Variants in FGF2 observed in about 807,000 individuals in gnomAD.
FGF2 encodes fibroblast growth factor 2.
Under a neutral mutation model 15.9 loss-of-function variants are expected in FGF2, and 13 were observed. That is an observed-to-expected ratio of 0.82 (90% CI 0.53 to 1.30). The LOEUF is 1.30. Among genes scored for constraint, FGF2 ranks in the 50% most tolerant of loss-of-function variants. The pLI, the probability that FGF2 is intolerant of heterozygous loss-of-function variation, is 0.00. For synonymous variants in FGF2, 90 were observed against 78.4 expected, an observed-to-expected ratio of 1.15 and a Z score of -0.78; for missense variants, 163 against 196.9, an observed-to-expected ratio of 0.83 and a Z score of 1.03.
chr4:122,870,705 T>G (rs1178041007), intron 1 of FGF2, among the ~76,000 whole-genome samples: 1 of 152,168 alleles, frequency 6.6e-6, no homozygotes, highest in Non-Finnish European at 1.5e-5. Flanking sequence ...GTCTACTTGA[T>G]TCTTCCCTCT....
intron 1 of FGF2, among the ~76,000 whole-genome samples, chr4:122,834,900 G>A (rs1725832642): frequency 6.6e-6 from 1 of 152,136 alleles, no homozygotes; most frequent in Non-Finnish European, 1.5e-5. Flanking sequence ...TGCACCAATA[G>A]TGGTGCAGAT....
At chr4:122,868,375 G>A (rs1377903872) in intron 1 of FGF2, among the ~76,000 whole-genome samples, 2 of 152,120 alleles carry the variant, frequency 1.3e-5, no homozygotes, top group East Asian at 1.9e-4. Flanking sequence ...GCGGTATTTG[G>A]TTTTCTTTTC....
Position 122,827,253 on chromosome 4 carries a change from A to G in FGF2, c.79A>G (p.Lys27Glu). ...GSGAFPPGHF[K>E]DPKRLYCKNG... ...CGGCGCCTTCCCGCCCGGCCACTTC[A>G]AGGACCCCAAGCGGCTGTACTGCAA... The change falls in exon 1 of 3, where the codon AAG (lysine) becomes GAG (glutamate). Residue 27 changes from lysine to glutamate, a missense_variant. Lys to Glu is a moderately conservative substitution (Grantham distance 56). Coordinates refer to ENST00000644866, the MANE Select transcript of FGF2 (RefSeq NM_001361665.2). This position sits in a 1 kb window ranked among gnomAD's most constrained non-coding sequence, Gnocchi z 4.2. 6.2e-7 allele frequency: 1 copy of G among 1,612,142 alleles called. No individual in the cohort carries two copies. Among genetic ancestry groups the G allele is most frequent in the Non-Finnish European group, 8.5e-7 (1 of 1,179,656 alleles).
Position 122,827,762 on chromosome 4 carries a change from C to T in FGF2, c.178+410C>T, listed in dbSNP as rs1477548964. ...CAGGAAGGACCGCAGCAGAACGAAA[C>T]GGTCTTTACTGGAAAAACACCTTTC... is the stretch of plus-strand genomic sequence containing the variant. On this transcript the variant is annotated intron_variant, in intron 1 of 2. Coordinates refer to ENST00000644866, the MANE Select transcript of FGF2 (RefSeq NM_001361665.2). This position sits in a 1 kb window ranked among gnomAD's most constrained non-coding sequence, Gnocchi z 4.2. Among the ~76,000 whole-genome samples the T allele has an allele frequency of 7.2e-5, 11 of 152,318 alleles. No homozygotes were observed. In the East Asian group the frequency reaches 2.1e-3, roughly 29 times the overall value.
At chr4:122,882,208 TAATTG>T (rs1480168493) in intron 2 of FGF2, 1 of 152,208 alleles carries the variant, frequency 6.6e-6, no homozygotes, top group Non-Finnish European at 1.5e-5. Context: ...CTCTGTAAGA[TAATTG>T]CCGGTGGAAT....
intron 2 of FGF2, among the ~76,000 whole-genome samples, chr4:122,891,707 G>A (rs1029788335): frequency 6.7e-6 from 1 of 148,180 alleles, no homozygotes; most frequent in East Asian, 2.1e-4. Context: ...CTTCTTGTGA[G>A]TAAAGTATTA....
chr4:122,833,619 AT>A (rs1475500511), intron 1 of FGF2, among the ~76,000 whole-genome samples: 2 of 152,184 alleles, frequency 1.3e-5, no homozygotes, highest in Non-Finnish European at 1.5e-5. Flanking sequence ...ATAAATAAAC[AT>A]CATAAAAAGC....
chr4:122,851,369 A>G (rs1355152367), intron 1 of FGF2, among the ~76,000 whole-genome samples: 1 of 152,186 alleles, frequency 6.6e-6, no homozygotes, highest in Non-Finnish European at 1.5e-5. Context: ...CTGGAGGTTC[A>G]GTTTTTGGGG....
chr4:122,843,562 T>C (rs1726041205), intron 1 of FGF2, among the ~76,000 whole-genome samples: 1 of 152,166 alleles, frequency 6.6e-6, no homozygotes, highest in Non-Finnish European at 1.5e-5. Flanking sequence ...AGTTAGGAAA[T>C]GATTTCAGTT....
At chr4:122,828,529 C>T (rs1725695980) in intron 1 of FGF2, among the ~76,000 whole-genome samples, 1 of 152,164 alleles carries the variant, frequency 6.6e-6, no homozygotes, top group South Asian at 2.1e-4. Context: ...AGCGCCACTC[C>T]CCTGTAGTTC....
intron 1 of FGF2, among the ~76,000 whole-genome samples, chr4:122,832,016 T>A (rs1000935947): frequency 6.6e-6 from 1 of 152,148 alleles, no homozygotes. Context: ...AAAAGACAAT[T>A]TAAGGTCTCA....
At chr4:122,868,068 TG>T (rs1277689446) in intron 1 of FGF2, among the ~76,000 whole-genome samples, 31 of 152,380 alleles carry the variant, frequency 2.0e-4, no homozygotes, top group Non-Finnish European at 4.0e-4. Flanking sequence ...TGTTGACAAT[TG>T]TTTCCTTTTA....
intron 1 of FGF2, among the ~76,000 whole-genome samples, chr4:122,867,739 A>G (rs1726630172): frequency 1.3e-5 from 2 of 152,242 alleles, no homozygotes; most frequent in Non-Finnish European, 2.9e-5. Flanking sequence ...CAACAGTATC[A>G]TTTAAATCAC....
chr4:122,868,367 G>A (rs994232896), intron 1 of FGF2, among the ~76,000 whole-genome samples: 2 of 152,046 alleles, frequency 1.3e-5, no homozygotes, highest in African/African-American at 2.4e-5. Flanking sequence ...GAGAACATGC[G>A]GTATTTGGTT....
chr4:122,866,152 G>A (rs1012260086), intron 1 of FGF2, among the ~76,000 whole-genome samples: 2 of 152,100 alleles, frequency 1.3e-5, no homozygotes, highest in East Asian at 1.9e-4. Context: ...GGCGGATCAC[G>A]AGGTCAGGAG....
At chr4:122,844,665 CCTA>C (rs1560740412) in intron 1 of FGF2, among the ~76,000 whole-genome samples, 1 of 142,872 alleles carries the variant, frequency 7.0e-6, no homozygotes, top group East Asian at 2.0e-4. Context: ...TTGACTGGGA[CCTA>C]CTCTGTCACC....
rs1199964600 is a variant in FGF2 at position 122,892,338 on chromosome 4, C to T, written c.410C>T (p.Ser137Phe). The change falls in exon 3 of 3, where the codon TCC (serine) becomes TTC (phenylalanine). Residue 137 changes from serine (S) to phenylalanine (F), a missense_variant. By Grantham distance (155) the Ser-to-Phe change is radical. Transcript: ENST00000644866. Reference protein sequence around the residue: ...LKRTGQYKLGSKTGPGQKAIL... With the variant: ...LKRTGQYKLGFKTGPGQKAIL... ...CGAACTGGGCAGTATAAACTTGGAT[C>T]CAAAACAGGACCTGGGCAGAAAGCT... 6.2e-7 allele frequency: 1 copy of T among 1,613,916 alleles called. No individual in the cohort carries two copies. Among genetic ancestry groups the T allele is most frequent in the African/African-American group, 1.3e-5 (1 of 74,878 alleles).
chr4:122,848,244 C>T (rs1239296769), intron 1 of FGF2, among the ~76,000 whole-genome samples: 1 of 152,246 alleles, frequency 6.6e-6, no homozygotes, highest in East Asian at 1.9e-4. Flanking sequence ...CCTAAGGAGT[C>T]TCCTTCTTCC....
chr4:122,828,391 C>A (rs986384920), intron 1 of FGF2, among the ~76,000 whole-genome samples: 1 of 152,172 alleles, frequency 6.6e-6, no homozygotes, highest in African/African-American at 2.4e-5. Context: ...TATATTGTAA[C>A]CTGTCCTCCT....
Sources: allele counts gnomAD v4.1 joint callset (sites outside exome capture counted in the v4.1 genomes callset), GRCh38; gene constraint gnomAD v4.1.1; non-coding constraint Gnocchi (gnomAD v3.1); transcripts MANE v1.5; gene names NCBI Gene and HGNC (gene_info 2026-07-23, HGNC 2026-07-21).